PLEKHG1: variants seen among roughly 807,000 people sequenced by gnomAD.
PLEKHG1 encodes pleckstrin homology domain-containing family G member 1.
Under a neutral mutation model 100.8 loss-of-function variants are expected in PLEKHG1, and 44 were observed. The ratio of observed to expected loss-of-function variants is 0.44; its 90% CI spans 0.34 to 0.56. The LOEUF (loss-of-function observed/expected upper bound fraction) is 0.56. PLEKHG1 is among the 20% of genes least tolerant of loss of function. PLEKHG1 has a pLI of 0.01. For synonymous variants in PLEKHG1, 640 were observed against 662.5 expected (o/e 0.97, Z 0.52); for missense variants, 1,545 against 1,720.9 (o/e 0.90, Z 1.81).
At chr6:150,802,447 A>T (rs774672287) in intron 6 of PLEKHG1, among the ~76,000 whole-genome samples, 1 of 151,262 alleles carries the variant, frequency 6.6e-6, no homozygotes, top group Non-Finnish European at 1.5e-5. Context: ...CTTCAGTCAA[A>T]AGGAAAGTTT....
chr6:150,787,030 C>CAAAAA (rs555809522), intron 4 of PLEKHG1, among the ~76,000 whole-genome samples: 4 of 57,884 alleles, frequency 6.9e-5, no homozygotes, highest in East Asian at 5.0e-4. Flanking sequence ...GACTCTGTCT[C>CAAAAA]AAAAAAAAAA....
chr6:150,773,529 G>A (rs532864920), intron 3 of PLEKHG1, among the ~76,000 whole-genome samples: 21 of 152,314 alleles, frequency 1.4e-4, no homozygotes, highest in South Asian at 8.3e-4. Flanking sequence ...GCGAGACTCC[G>A]TCTCAAAAAA....
intron 3 of PLEKHG1, among the ~76,000 whole-genome samples, chr6:150,691,715 T>G (rs1180452040): frequency 6.6e-6 from 1 of 152,238 alleles, no homozygotes; most frequent in East Asian, 1.9e-4. Flanking sequence ...AGAATGGTTC[T>G]CATTCCTTCC....
chr6:150,656,874 T>C (rs1778991414), intron 3 of PLEKHG1, among the ~76,000 whole-genome samples: 1 of 152,212 alleles, frequency 6.6e-6, no homozygotes, highest in East Asian at 1.9e-4. Context: ...CAAAGTTCTA[T>C]ACAATATACC....
chr6:150,752,092 A>G (rs913841997), intron 2 of PLEKHG1, among the ~76,000 whole-genome samples: 2 of 152,108 alleles, frequency 1.3e-5, no homozygotes, highest in South Asian at 2.1e-4. Flanking sequence ...AGGCTGAGAC[A>G]GGAGAATCAC....
At chr6:150,610,048 A>G (rs1358517150) in intron 1 of PLEKHG1, among the ~76,000 whole-genome samples, 1 of 152,200 alleles carries the variant, frequency 6.6e-6, no homozygotes, top group East Asian at 1.9e-4. Context: ...CGAAGCAGGT[A>G]TGCCTTCCTT....
At chr6:150,694,707 A>T (rs921466420) in intron 3 of PLEKHG1, among the ~76,000 whole-genome samples, 8 of 151,358 alleles carry the variant, frequency 5.3e-5, no homozygotes, top group African/African-American at 9.8e-5. Context: ...CAAAAAAAAA[A>T]AAAATAAAAA....
At chr6:150,697,807 G>T (rs559272850) in intron 3 of PLEKHG1, among the ~76,000 whole-genome samples, 1 of 152,198 alleles carries the variant, frequency 6.6e-6, no homozygotes, top group Non-Finnish European at 1.5e-5. Flanking sequence ...TTACAGTGAG[G>T]AATCACAAAT....
chr6:150,740,857 G>A lies in PLEKHG1; in HGVS notation c.411+6765G>A, dbSNP rs185790302. ...AACGTGTTAGTTTTCTGCTTATTTC[G>A]GAGTCACTCCTTAAATAGTACATCT... On this transcript the variant is annotated intron_variant, in intron 2 of 15. Coordinates refer to ENST00000358517, the Ensembl canonical transcript of PLEKHG1. Among the ~76,000 whole-genome samples, 404 of 152,050 alleles carry A rather than the reference G, an allele frequency of 2.7e-3. 5 individuals are homozygous for A. Among genetic ancestry groups the A allele is most frequent in the Non-Finnish European group, 7.8e-4 (53 of 68,002 alleles).
intron 1 of PLEKHG1, among the ~76,000 whole-genome samples, chr6:150,614,649 T>G (rs1318917189): frequency 6.6e-6 from 1 of 152,076 alleles, no homozygotes; most frequent in African/African-American, 2.4e-5. Flanking sequence ...TCCCCAGGCC[T>G]CCCAGACCCT....
At chr6:150,830,701 A>C in exon 15 of PLEKHG1, 2 of 1,614,178 alleles carry the variant, frequency 1.2e-6, no homozygotes, top group Non-Finnish European at 1.7e-6. Context: ...GAGCTCTCAG[A>C]AACATCTGGA....
At chr6:150,725,933 T>TA (rs1196587359) in intron 1 of PLEKHG1, among the ~76,000 whole-genome samples, 2 of 151,738 alleles carry the variant, frequency 1.3e-5, no homozygotes, top group Non-Finnish European at 2.9e-5. Flanking sequence ...TATGTGACCA[T>TA]AAAAAAAAGA....
intron 1 of PLEKHG1, among the ~76,000 whole-genome samples, chr6:150,634,978 A>T (rs1172231927): frequency 6.6e-6 from 1 of 152,224 alleles, no homozygotes; most frequent in Non-Finnish European, 1.5e-5. Context: ...CCAGGTGTTG[A>T]AGTAGTTAAG....
At chr6:150,777,712 T>A (rs1785066754) in intron 3 of PLEKHG1, among the ~76,000 whole-genome samples, 1 of 142,716 alleles carries the variant, frequency 7.0e-6, no homozygotes, top group Non-Finnish European at 1.5e-5. Context: ...ACATGTGCGG[T>A]TGCACATTAC....
At position 150,682,503 on chromosome 6, in the gene PLEKHG1, G is replaced by A. The variant is rs533707083; in HGVS notation, c.-99+31717G>A. Among the ~76,000 whole-genome samples, 6 of 152,156 alleles carry A rather than the reference G, an allele frequency of 3.9e-5. No individual in the cohort carries two copies. The East Asian group carries it at 9.7e-4, about 25-fold the overall frequency. On this transcript the variant is annotated intron_variant, in intron 3 of 3. Coordinates refer to the PLEKHG1 transcript ENST00000367326. Reference sequence around the variant, plus strand: ...AGTGAAGACCCTTTCCACCCGGCCAGGTTCTGCCCAGTTTGAGAATTTGAA... The same window carrying A: ...AGTGAAGACCCTTTCCACCCGGCCAAGTTCTGCCCAGTTTGAGAATTTGAA...
intron 3 of PLEKHG1, among the ~76,000 whole-genome samples, chr6:150,685,920 G>A (rs918579623): frequency 6.6e-6 from 1 of 152,208 alleles, no homozygotes; most frequent in African/African-American, 2.4e-5. Context: ...AACAGTAAAT[G>A]ATACCAAAAC....
At chr6:150,800,918 G>C (rs370817932) in intron 6 of PLEKHG1, 49 bp downstream of exon 7, 16 of 1,514,668 alleles carry the variant, frequency 1.1e-5, no homozygotes, top group Non-Finnish European at 1.3e-5. Context: ...GGAGTTTTGT[G>C]TGTATATATT....
chr6:150,821,068 T>C, intron 12 of PLEKHG1, 127 bp from the exon 14 acceptor site: 1 of 708,242 alleles, frequency 1.4e-6, no homozygotes, highest in Middle Eastern at 2.5e-4. Context: ...GGGGATTTTG[T>C]TAAATTTGAT....
chr6:150,768,660 A>C, exon 3 of PLEKHG1: 1 of 1,611,512 alleles, frequency 6.2e-7, no homozygotes, highest in Non-Finnish European at 8.5e-7. Context: ...TGCATCAGGG[A>C]CCAAACAAAA....
Sources: gnomAD v4.1 joint callset for allele counts (sites outside exome capture counted in the v4.1 genomes callset) on GRCh38, gnomAD v4.1.1 for gene constraint, MANE v1.5 for transcripts, NCBI Gene and HGNC (gene_info 2026-07-23, HGNC 2026-07-21) for gene names.